ZFP64: variants seen among roughly 807,000 people sequenced by gnomAD.
ZFP64 encodes the protein zinc finger protein 64.
Under a neutral mutation model 51.6 loss-of-function variants are expected in ZFP64, and 14 were observed. That is an observed-to-expected ratio of 0.27 (90% CI 0.18 to 0.42). The LOEUF is 0.42. Among genes scored for constraint, ZFP64 ranks in the 10% least tolerant of loss-of-function variants. The pLI, the probability that ZFP64 is intolerant of heterozygous loss-of-function variation, is 1.00. For missense variants in ZFP64, 754 were observed against 906.8 expected (o/e 0.83, Z 2.16); for synonymous variants, 375 against 361.4 (o/e 1.04, Z -0.43).
At chr20:52,171,440 C>T (rs1325960469) in intron 2 of ZFP64, among the ~76,000 whole-genome samples, 7 of 151,904 alleles carry the variant, frequency 4.6e-5, no homozygotes, top group South Asian at 4.2e-4. Context: ...TCTGTGTGTG[C>T]GTATGTGTGA....
chr20:52,098,199 T>G (rs1207659100), intron 6 of ZFP64, among the ~76,000 whole-genome samples: 14 of 145,522 alleles, frequency 9.6e-5, no homozygotes, highest in Admixed American at 9.6e-4. Context: ...AGAGTCCATA[T>G]ATGTATAACC....
chr20:52,182,611 T>C (rs184312387), intron 2 of ZFP64, among the ~76,000 whole-genome samples: 11 of 152,206 alleles, frequency 7.2e-5, no homozygotes, highest in Admixed American at 5.2e-4. Flanking sequence ...CCCAGCTACT[T>C]GGGAGGCTGA....
intron 5 of ZFP64, 126 bp downstream of exon 5, chr20:52,159,997 G>T: frequency 1.3e-6 from 2 of 1,497,816 alleles, no homozygotes; most frequent in Non-Finnish European, 1.8e-6. Context: ...AAACAAAACT[G>T]CAAACAACGG....
chr20:52,097,198 ACTTCAT>A (rs2078997862), intron 7 of ZFP64: 2 of 816,810 alleles, frequency 2.4e-6, no homozygotes, highest in Admixed American at 1.7e-5. Flanking sequence ...CCTGGGAATC[ACTTCAT>A]CTTCATGTCA....
chr20:52,152,868 T>C lies in ZFP64; in HGVS notation c.1324A>G (p.Ser442Gly), dbSNP rs1256443286. 2 of 1,614,064 alleles carry C rather than the reference T, an allele frequency of 1.2e-6. No individual in the cohort carries two copies. Among genetic ancestry groups the C allele is most frequent in the African/African-American group, 2.7e-5 (2 of 74,950 alleles). The change falls in exon 6 of 6, where the codon AGC (serine) becomes GGC (glycine). Residue 442 changes from serine to glycine, a missense_variant. Transcript: ENST00000216923. Reference sequence around the variant, plus strand: ...TACTCACTGTGCTGTCTCTTGTGGCTGCGGAGCGAGTCCTCCCGCATGAAG... The same window carrying C: ...TACTCACTGTGCTGTCTCTTGTGGCCGCGGAGCGAGTCCTCCCGCATGAAG... Reference protein sequence around the residue: ...ASFMREDSLRSHKRQHSEYSE... With the variant: ...ASFMREDSLRGHKRQHSEYSE...
At chr20:52,094,909 A>G (rs189230144) in intron 7 of ZFP64, among the ~76,000 whole-genome samples, 6 of 152,290 alleles carry the variant, frequency 3.9e-5, no homozygotes, top group East Asian at 3.9e-4. Context: ...TAACCCTACA[A>G]TGATGGTGAC....
intron 7 of ZFP64, chr20:52,097,200 T>A: frequency 1.2e-6 from 1 of 821,994 alleles, no homozygotes. Flanking sequence ...TGGGAATCAC[T>A]TCATCTTCAT....
chr20:52,147,067 TGCATCAG>T, downstream of ZFP64, among the ~76,000 whole-genome samples: 1 of 152,362 alleles, frequency 6.6e-6, no homozygotes, highest in African/African-American at 2.4e-5. Flanking sequence ...TAAGTAAAAC[TGCATCAG>T]TATTTTATAT....
intron 5 of ZFP64, among the ~76,000 whole-genome samples, chr20:52,100,017 G>A (rs148218979): frequency 0.21 from 31,678 of 152,082 alleles, 3,778 homozygotes; most frequent in Admixed American, 0.27. Context: ...TTTTTGAGAC[G>A]GAGTCTCGCT....
At chr20:52,150,245 T>A (rs1980728013), downstream of ZFP64, among the ~76,000 whole-genome samples, 1 of 151,780 alleles carries the variant, frequency 6.6e-6, no homozygotes, top group Non-Finnish European at 1.5e-5. Flanking sequence ...ATCAAAATGG[T>A]TACAATCTGT....
At chr20:52,144,532 A>G (rs1172343370) in intron 5 of ZFP64, among the ~76,000 whole-genome samples, 1 of 136,412 alleles carries the variant, frequency 7.3e-6, no homozygotes, top group Admixed American at 8.5e-5. Flanking sequence ...GTGAGCCGAG[A>G]TCGCGCCACT....
At chr20:52,167,345 T>A (rs916156075) in intron 2 of ZFP64, among the ~76,000 whole-genome samples, 1 of 151,784 alleles carries the variant, frequency 6.6e-6, no homozygotes, top group Non-Finnish European at 1.5e-5. Context: ...AAAAAATAAA[T>A]AAAAATAAGT....
chr20:52,163,270 A>T (rs901757745), intron 4 of ZFP64, among the ~76,000 whole-genome samples: 21 of 152,202 alleles, frequency 1.4e-4, no homozygotes, highest in African/African-American at 5.1e-4. Context: ...CTGAGGCAGG[A>T]GAATCGCTTG....
At chr20:52,188,308 CTTTTTT>C (rs1164512289) in intron 1 of ZFP64, among the ~76,000 whole-genome samples, 10 of 104,224 alleles carry the variant, frequency 9.6e-5, no homozygotes, top group East Asian at 2.7e-4. Flanking sequence ...CTTTTTCTTT[CTTTTTT>C]TTTTTTTTTT....
chr20:52,128,877 A>C (rs569656058), intron 5 of ZFP64, among the ~76,000 whole-genome samples: 13 of 152,244 alleles, frequency 8.5e-5, no homozygotes, highest in African/African-American at 2.6e-4. Context: ...AAATTTCCAG[A>C]AGCTAACACT....
chr20:52,144,140 TA>T (rs1413308426), intron 5 of ZFP64, among the ~76,000 whole-genome samples: 2 of 143,580 alleles, frequency 1.4e-5, no homozygotes, highest in Non-Finnish European at 3.1e-5. Context: ...GATTTTAACT[TA>T]AAAAATTATC....
In ZFP64 at chr20:52,186,967, G is replaced by T. The variant is rs1190225571; in HGVS notation, c.151C>A (p.Gln51Lys). 6.2e-7 allele frequency: 1 copy of T among 1,614,024 alleles called. No individual in the cohort carries two copies. Among genetic ancestry groups the T allele is most frequent in the Non-Finnish European group, 8.5e-7 (1 of 1,180,014 alleles). Residue 51 changes from glutamine to lysine, a missense_variant, in exon 2 of 6, where the codon CAA (glutamine) becomes AAA (lysine). Coordinates refer to ENST00000216923, the MANE Select transcript of ZFP64 (RefSeq NM_018197.3). ...GTGCCTGTCAGCTGGCAGCCACTTT[G>T]CTTGTGAGCTACAAAGGCATCCAGG... ...NNLDAFVAHK[Q>K]SGCQLTGTSA...
intron 5 of ZFP64, among the ~76,000 whole-genome samples, chr20:52,142,242 C>T (rs1238498631): frequency 6.6e-6 from 1 of 152,006 alleles, no homozygotes; most frequent in African/African-American, 2.4e-5. Context: ...GTGGCATGTG[C>T]CTGTGATCCC....
chr20:52,183,353 G>A (rs1341886187), intron 2 of ZFP64, among the ~76,000 whole-genome samples: 2 of 152,160 alleles, frequency 1.3e-5, no homozygotes, highest in African/African-American at 2.4e-5. Context: ...CCTCCCACAC[G>A]CAGGGCATCC....
Sources: gnomAD v4.1 joint callset for allele counts (sites outside exome capture counted in the v4.1 genomes callset) on GRCh38, gnomAD v4.1.1 for gene constraint, MANE v1.5 for transcripts, NCBI Gene and HGNC (gene_info 2026-07-23, HGNC 2026-07-21) for gene names.